The following RAB3IP variants were observed in gnomAD, a reference collection of about 807,000 sequenced individuals.
The protein encoded by RAB3IP is RAB3A interacting protein, also known as rab-3A-interacting protein.
RAB3IP carries 36 observed loss-of-function variants against 59.1 expected under a neutral mutation model. The ratio of observed to expected loss-of-function variants is 0.61; its 90% CI spans 0.47 to 0.80. The LOEUF (loss-of-function observed/expected upper bound fraction) is 0.80, where lower values mean the gene tolerates loss of function less well. RAB3IP is among the 30% of genes least tolerant of loss of function. The pLI is 0.00. For missense variants in RAB3IP, 511 were observed against 536.0 expected, an observed-to-expected ratio of 0.95 and a Z score of 0.46; for synonymous variants, 207 against 191.2, an observed-to-expected ratio of 1.08 and a Z score of -0.68.
intron 3 of RAB3IP, among the ~76,000 whole-genome samples, chr12:69,762,485 A>C (rs11177835): frequency 0.76 from 115,419 of 152,180 alleles, 43,924 homozygotes; most frequent in East Asian, 0.88. Context: ...GAGCTGGGCG[A>C]AGTGGCTCAC....
intron 3 of RAB3IP, among the ~76,000 whole-genome samples, chr12:69,772,290 A>G (rs1000785574): frequency 2.0e-5 from 3 of 152,034 alleles, no homozygotes; most frequent in Non-Finnish European, 4.4e-5. Flanking sequence ...CAGTCTCTGT[A>G]TGTCCTTACA....
intron 8 of RAB3IP, among the ~76,000 whole-genome samples, chr12:69,807,329 G>T (rs1264504464): frequency 6.8e-6 from 1 of 146,144 alleles, no homozygotes; most frequent in South Asian, 2.2e-4. Context: ...GGGCAGAGGC[G>T]CTCTTCACCT....
rs1881272142 is a variant in RAB3IP at position 69,817,653 on chromosome 12, T to TACACACACACAA, written c.*2218_*2219insAACACACACACA. On this transcript the variant is annotated 3_prime_UTR_variant, in exon 11 of 11. Coordinates refer to ENST00000247833, the MANE Select transcript of RAB3IP (RefSeq NM_022456.5). Reference sequence around the variant, plus strand: ...CTGGGAAAAATAGGGAAACTCCATTTACACACACACACACACACACACACA... The same window carrying TACACACACACAA: ...CTGGGAAAAATAGGGAAACTCCATTTACACACACACAAACACACACACACACACACACACACA... The TACACACACACAA allele has an allele frequency of 7.6e-6, 1 of 131,338 alleles. No individual in the cohort carries two copies. Among genetic ancestry groups the TACACACACACAA allele is most frequent in the African/African-American group, 2.9e-5 (1 of 34,364 alleles). The allele number at this position is 131,338 out of a possible 1,614,324, so 8.1% of individuals were successfully genotyped here.
chr12:69,793,457 A>G (rs1280187706), intron 4 of RAB3IP, among the ~76,000 whole-genome samples: 2 of 152,192 alleles, frequency 1.3e-5, no homozygotes, highest in East Asian at 1.9e-4. Flanking sequence ...AATATCTTTG[A>G]AGCTCATTTC....
chr12:69,810,152 C>T (rs1411830504), intron 8 of RAB3IP, among the ~76,000 whole-genome samples: 1 of 152,226 alleles, frequency 6.6e-6, no homozygotes, highest in African/African-American at 2.4e-5. Flanking sequence ...TTGGAGTTTA[C>T]TGGAGGTCCA....
intron 4 of RAB3IP, among the ~76,000 whole-genome samples, chr12:69,789,083 G>T (rs1876194645): frequency 6.6e-6 from 1 of 151,848 alleles, no homozygotes; most frequent in Non-Finnish European, 1.5e-5. Context: ...TAAAAAAGAA[G>T]AACAATCTCA....
At chr12:69,790,057 A>G (rs1474993457) in intron 4 of RAB3IP, among the ~76,000 whole-genome samples, 3 of 152,168 alleles carry the variant, frequency 2.0e-5, no homozygotes, top group African/African-American at 7.2e-5. Context: ...TCTGTACAGC[A>G]CAGTTCTGGA....
chr12:69,818,323 C>G lies in RAB3IP; in HGVS notation c.*2877C>G, dbSNP rs554764906. 6.6e-6 allele frequency: 1 copy of G among 152,190 alleles called. No individual in the cohort carries two copies. Among genetic ancestry groups the G allele is most frequent in the East Asian group, 1.9e-4 (1 of 5,166 alleles). 9.4% of individuals were successfully genotyped at this position (152,190 alleles called of 1,614,324 possible). A position where few individuals can be genotyped will look rare whatever the true frequency, so the allele number is the denominator to read the frequency against. The stretch of plus-strand genomic sequence containing the variant: ...AATTAGCTGGGCATGGTGGTGCATG[C>G]CTGTGGTCCCAGCTACTTGGGAAGC... On this transcript the variant is annotated 3_prime_UTR_variant, in exon 11 of 11. Transcript: ENST00000247833.
intron 4 of RAB3IP, among the ~76,000 whole-genome samples, chr12:69,792,020 A>G (rs938990433): frequency 6.6e-6 from 1 of 152,192 alleles, no homozygotes; most frequent in Non-Finnish European, 1.5e-5. Context: ...ACATGAGCGA[A>G]CCTGGAGGAC....
At chr12:69,765,703 T>C (rs1175098633) in intron 3 of RAB3IP, among the ~76,000 whole-genome samples, 1 of 152,216 alleles carries the variant, frequency 6.6e-6, no homozygotes, top group Non-Finnish European at 1.5e-5. Context: ...GAACGAAGCA[T>C]GCAGGTGCTT....
chr12:69,755,779 G>T (rs1870117332), intron 2 of RAB3IP, 120 bp downstream of exon 2: 2 of 749,930 alleles, frequency 2.7e-6, no homozygotes, highest in Non-Finnish European at 4.3e-6. Flanking sequence ...CCTAGGTAAA[G>T]AAATACATGA....
intron 4 of RAB3IP, among the ~76,000 whole-genome samples, chr12:69,787,026 G>T (rs901500379): frequency 1.3e-5 from 2 of 152,094 alleles, no homozygotes; most frequent in Admixed American, 6.6e-5. Flanking sequence ...GTGCCTTCAT[G>T]ATCTGTTTAC....
chr12:69,797,659 G>C (rs1438190690), intron 6 of RAB3IP, among the ~76,000 whole-genome samples: 3 of 151,790 alleles, frequency 2.0e-5, no homozygotes, highest in African/African-American at 7.3e-5. Flanking sequence ...ATCTCCCAAT[G>C]CTATCCCTAC....
At chr12:69,798,705 G>A (rs957250298) in intron 6 of RAB3IP, among the ~76,000 whole-genome samples, 24 of 152,134 alleles carry the variant, frequency 1.6e-4, no homozygotes, top group Admixed American at 8.5e-4. Flanking sequence ...TTTTGTATAA[G>A]GTATAAGGAA....
chr12:69,768,016 C>A (rs542035797), intron 3 of RAB3IP, among the ~76,000 whole-genome samples: 18 of 151,916 alleles, frequency 1.2e-4, no homozygotes, highest in African/African-American at 3.6e-4. Context: ...AGAAAGGGAA[C>A]CCCTCCACCA....
At chr12:69,768,595 G>T (rs141238420) in intron 3 of RAB3IP, among the ~76,000 whole-genome samples, 1 of 152,142 alleles carries the variant, frequency 6.6e-6, no homozygotes, top group Non-Finnish European at 1.5e-5. Context: ...ACTGCACCGC[G>T]ATCTCAGGAA....
chr12:69,801,589 A>C lies in RAB3IP; in HGVS notation c.1018-20A>C. The C allele has an allele frequency of 2.0e-6, 3 of 1,515,010 alleles. No individual in the cohort carries two copies. Among genetic ancestry groups the C allele is most frequent in the Non-Finnish European group, 2.7e-6 (3 of 1,098,102 alleles). 93.8% of individuals were successfully genotyped at this position (1,515,010 alleles called of 1,614,324 possible). A position where few individuals can be genotyped will look rare whatever the true frequency, so the allele number is the denominator to read the frequency against. On this transcript the variant is annotated intron_variant, in intron 7 of 10. Transcript: ENST00000247833. Reference sequence around the variant, plus strand: ...TTTTTCTGCCAGTATAGCATCTAGTACTTTTTCTTTTTTTTTAAGTTGGCT... The same window carrying C: ...TTTTTCTGCCAGTATAGCATCTAGTCCTTTTTCTTTTTTTTTAAGTTGGCT...
intron 3 of RAB3IP, among the ~76,000 whole-genome samples, chr12:69,780,166 C>G (rs895508388): frequency 6.6e-6 from 1 of 152,122 alleles, no homozygotes; most frequent in African/African-American, 2.4e-5. Context: ...GCCAACGACC[C>G]GAACCTGGAA....
rs1274549795 is a variant in RAB3IP at position 69,740,000 on chromosome 12, C to G, written c.-26+969C>G. ...TCTCCTGTTTCACCCCAACTCCTTC[C>G]GTTCAGTGTCGGGTTAAAAGCCTTG... On this transcript the variant is annotated intron_variant, in intron 1 of 10. Coordinates refer to ENST00000247833, the MANE Select transcript of RAB3IP (RefSeq NM_022456.5). The G allele has an allele frequency of 6.4e-6, 5 of 776,710 alleles. 1 individual carries two copies. The highest frequency in any genetic ancestry group is 4.9e-5 in the South Asian group (3 of 60,890). 48.1% of individuals were successfully genotyped at this position (776,710 alleles called of 1,614,324 possible). A position where few individuals can be genotyped will look rare whatever the true frequency, so the allele number is the denominator to read the frequency against.
Sources: allele counts gnomAD v4.1 joint callset (sites outside exome capture counted in the v4.1 genomes callset), GRCh38; gene constraint gnomAD v4.1.1; transcripts MANE v1.5; gene names NCBI Gene and HGNC (gene_info 2026-07-23, HGNC 2026-07-21).